Variants in PPP6R1 observed in about 807,000 individuals in gnomAD.
PPP6R1 encodes the protein protein phosphatase 6 regulatory subunit 1, also known as serine/threonine-protein phosphatase 6 regulatory subunit 1.
Under a neutral mutation model 104.6 loss-of-function variants are expected in PPP6R1, and 39 were observed. That is an observed-to-expected ratio of 0.37 (90% CI 0.29 to 0.49). PPP6R1 has a LOEUF of 0.49. Ranked by LOEUF, PPP6R1 falls within the 20% of genes least tolerant of loss-of-function variation. The pLI is 0.98. For synonymous variants in PPP6R1, 549 were observed against 479.0 expected (o/e 1.15, Z -1.91); for missense variants, 1,181 against 1,155.8 (o/e 1.02, Z -0.32).
intron 15 of PPP6R1, among the ~76,000 whole-genome samples, chr19:55,237,710 T>C (rs185739490): frequency 5.3e-5 from 8 of 152,322 alleles, no homozygotes; most frequent in African/African-American, 1.4e-4. Flanking sequence ...CAAGTGTCCT[T>C]AGTCCCTCCT....
intron 2 of PPP6R1, among the ~76,000 whole-genome samples, chr19:55,246,408 T>A (rs2087508543): frequency 2.1e-5 from 3 of 142,218 alleles, no homozygotes. Flanking sequence ...GGTGATAAAG[T>A]GAGTCTCAAA....
At position 55,230,241 on chromosome 19, in the gene PPP6R1, C is replaced by T. The variant is rs1173749426; in HGVS notation, c.*287G>A. ...TCCTCACTCTCTCTCGCTCTCCTCC[C>T]TCTCTCTATATAATATATAATATAT... On this transcript the variant is annotated 3_prime_UTR_variant, in exon 24 of 24. Coordinates refer to ENST00000412770, the MANE Select transcript of PPP6R1 (RefSeq NM_014931.4). The T allele has an allele frequency of 4.3e-6, 2 of 464,696 alleles. No individual in the cohort carries two copies. The highest frequency in any genetic ancestry group is 3.5e-5 in the Admixed American group (1 of 28,180). 28.8% of individuals were successfully genotyped at this position (464,696 alleles called of 1,614,324 possible).
In PPP6R1 at chr19:55,241,113, C is replaced by T. The variant is rs1175220437; in HGVS notation, c.1162-34G>A. On this transcript the variant is annotated intron_variant, in intron 9 of 23. Coordinates refer to ENST00000412770, the MANE Select transcript of PPP6R1 (RefSeq NM_014931.4). This position sits in a 1 kb window ranked among gnomAD's most constrained non-coding sequence, Gnocchi z 5.4. ...GGACACAGGATTGGTACCAGAGAGGCCCCGCCCCAGCCGAGCCCCCAACCC... is the reference window on the plus strand; with the variant it reads ...GGACACAGGATTGGTACCAGAGAGGTCCCGCCCCAGCCGAGCCCCCAACCC... The T allele has an allele frequency of 6.5e-7, 1 of 1,541,464 alleles. No homozygotes were observed. The highest frequency in any genetic ancestry group is 2.5e-5 in the East Asian group (1 of 40,752).
In PPP6R1 at chr19:55,241,777, G is replaced by A. The variant is rs2087460378; in HGVS notation, c.846-138C>T. The A allele has an allele frequency of 3.5e-6, 4 of 1,136,612 alleles. No individual in the cohort carries two copies. The South Asian group carries it at 5.0e-5, about 14-fold the overall frequency. 70.4% of individuals were successfully genotyped at this position (1,136,612 alleles called of 1,614,324 possible). A position where few individuals can be genotyped will look rare whatever the true frequency, so the allele number is the denominator to read the frequency against. ...GCCCCCAGCGCCGCTCTCTTCTGAG[G>A]CCCTTCAGACAACACCTGGCTGGGG... On this transcript the variant is annotated intron_variant, in intron 7 of 23. Transcript: ENST00000412770. The surrounding 1 kb of genome is among the most constrained non-coding windows in gnomAD (Gnocchi z 5.4).
At chr19:55,228,972 TTCC>T (rs888935937), downstream of PPP6R1, 89 of 508,804 alleles carry the variant, frequency 1.7e-4, no homozygotes, top group Middle Eastern at 1.1e-3. Flanking sequence ...GGGACATGGC[TTCC>T]TCCTCCTATC....
At chr19:55,250,852 A>AC (rs2087547596) in intron 1 of PPP6R1, among the ~76,000 whole-genome samples, 1 of 150,742 alleles carries the variant, frequency 6.6e-6, no homozygotes, top group East Asian at 1.9e-4. Context: ...ACCGCAGGCG[A>AC]CCCCTGCTCG....
chr19:55,240,511 G>GCATA (rs1268797824), intron 10 of PPP6R1, among the ~76,000 whole-genome samples: 1 of 126,028 alleles, frequency 7.9e-6, no homozygotes, highest in East Asian at 2.2e-4. Flanking sequence ...AATATGTGGT[G>GCATA]CATACACACA....
At position 55,243,954 on chromosome 19, in the gene PPP6R1, A is replaced by G. The variant is rs190760090; in HGVS notation, c.618+1166T>C. On this transcript the variant is annotated intron_variant, in intron 5 of 23. Transcript: ENST00000412770. The stretch of plus-strand genomic sequence containing the variant: ...GGCAGGACTTGTTTTTTGGAGTGAT[A>G]AAAAATAATCTAAATTCAACAAGAT... 1.5e-3 allele frequency among the ~76,000 whole-genome samples: 227 copies of G among 152,318 alleles called. 1 individual carries two copies. The highest frequency in any genetic ancestry group is 5.2e-3 in the African/African-American group (216 of 41,566).
chr19:55,242,528 A>G, intron 5 of PPP6R1, 40 bp from the exon 6 acceptor site: 3 of 1,555,936 alleles, frequency 1.9e-6, no homozygotes, highest in Non-Finnish European at 2.7e-6. Flanking sequence ...TGGTCGGGCC[A>G]CCGGGCCCTC....
chr19:55,249,262 T>C (rs1356550355), intron 1 of PPP6R1, among the ~76,000 whole-genome samples: 1 of 152,128 alleles, frequency 6.6e-6, no homozygotes, highest in Non-Finnish European at 1.5e-5. Flanking sequence ...CCTTTGTTTT[T>C]GAGGAGTCTC....
At chr19:55,246,741 C>T (rs2087512039) in intron 2 of PPP6R1, 136 bp downstream of exon 2, 1 of 886,500 alleles carries the variant, frequency 1.1e-6, no homozygotes, top group Non-Finnish European at 1.7e-6. Context: ...AGCCTGGCTG[C>T]TCCCAGCCTC....
chr19:55,251,577 G>A (rs1471083974), intron 1 of PPP6R1, among the ~76,000 whole-genome samples: 3 of 152,168 alleles, frequency 2.0e-5, no homozygotes, highest in South Asian at 4.1e-4. Flanking sequence ...ACCTCACAAG[G>A]AAATACAACT....
In PPP6R1 at chr19:55,242,499, G is replaced by C. The variant is rs547390966; in HGVS notation, c.619-11C>G. On this transcript the variant is annotated splice_polypyrimidine_tract_variant and intron_variant, in intron 5 of 23. Transcript: ENST00000412770. ...TGCGTTGGAATGTTGCTGGAACGGG[G>C]AGAGACAGGTGAGGATCCTGGTCGG... 1.9e-6 allele frequency: 3 copies of C among 1,608,310 alleles called. No individual in the cohort carries two copies. The highest frequency in any genetic ancestry group is 1.7e-6 in the Non-Finnish European group (2 of 1,174,848).
chr19:55,239,219 CAG>C (rs1191699920), intron 15 of PPP6R1, 184 bp downstream of exon 15: 2 of 616,628 alleles, frequency 3.2e-6, no homozygotes, highest in African/African-American at 3.7e-5. Context: ...ACTCATGTAA[CAG>C]GAGGCAGACA....
At position 55,247,068 on chromosome 19, in the gene PPP6R1, G is replaced by A. The variant is rs2087515492; in HGVS notation, c.36C>T (p.His12=). 2 of 1,613,610 alleles carry A rather than the reference G, an allele frequency of 1.2e-6. No individual in the cohort carries two copies. Among genetic ancestry groups the A allele is most frequent in the East Asian group, 4.5e-5 (2 of 44,870 alleles). Residue 12 remains histidine, a synonymous_variant, in exon 2 of 24, where the codon CAC becomes CAT. Transcript: ENST00000412770. ...CCTCCCGCTCCAGCAGCGTGTCCAG[G>A]TGCGAGCTTGTGTGCAGGTCAAACT... ...FWKFDLHTSS[H]LDTLLEREDL... is the part of the protein sequence containing the mutation.
At chr19:55,244,315 T>C (rs2087486684) in intron 5 of PPP6R1, among the ~76,000 whole-genome samples, 1 of 152,162 alleles carries the variant, frequency 6.6e-6, no homozygotes. Flanking sequence ...AAACACCCAC[T>C]CTACACTAGG....
chr19:55,230,515 C>T lies in PPP6R1; in HGVS notation c.*13G>A, dbSNP rs1343088233. 2.5e-6 allele frequency: 4 copies of T among 1,613,392 alleles called. No individual in the cohort carries two copies. The highest frequency in any genetic ancestry group is 3.4e-6 in the Non-Finnish European group (4 of 1,179,806). On this transcript the variant is annotated 3_prime_UTR_variant, in exon 24 of 24. Coordinates refer to ENST00000412770, the MANE Select transcript of PPP6R1 (RefSeq NM_014931.4). Reference sequence around the variant, plus strand: ...AGGACGGAAGATTTGGCCGCCGCTGCCGCACCAGGCAGCTATCTGGAAACA... The same window carrying T: ...AGGACGGAAGATTTGGCCGCCGCTGTCGCACCAGGCAGCTATCTGGAAACA...
At chr19:55,228,983 A>C, downstream of PPP6R1, 4 of 495,128 alleles carry the variant, frequency 8.1e-6, no homozygotes, top group Non-Finnish European at 1.5e-5. Context: ...TCCTCCTCCT[A>C]TCTGCCTGGG....
downstream of PPP6R1, chr19:55,228,249 G>A: frequency 6.2e-7 from 1 of 1,612,656 alleles, no homozygotes; most frequent in Non-Finnish European, 8.5e-7. Context: ...AGCACACAAG[G>A]GCTCCCTGGA....
Sources: allele counts gnomAD v4.1 joint callset (sites outside exome capture counted in the v4.1 genomes callset), GRCh38; gene constraint gnomAD v4.1.1; non-coding constraint Gnocchi (gnomAD v3.1); transcripts MANE v1.5; gene names NCBI Gene and HGNC (gene_info 2026-07-23, HGNC 2026-07-21).